COL5A3: variants seen among roughly 807,000 people sequenced by gnomAD.
COL5A3 encodes collagen type V alpha 3 chain, also known as collagen alpha-3(V) chain.
A neutral mutation model predicts 250.0 loss-of-function variants in COL5A3; 172 were observed. The observed-to-expected ratio is 0.69, with a 90% CI of 0.61 to 0.78. The LOEUF (loss-of-function observed/expected upper bound fraction) is 0.78, where lower values mean the gene tolerates loss of function less well. Ranked by LOEUF, COL5A3 falls within the 30% of genes least tolerant of loss-of-function variation. COL5A3 has a pLI of 0.00. For missense variants in COL5A3, 2,340 were observed against 2,334.4 expected (o/e 1.00, Z -0.05); for synonymous variants, 937 against 900.4 (o/e 1.04, Z -0.73).
chr19:9,976,651 TTAAGATTA>T, intron 44 of COL5A3, 40 bp from the exon 45 acceptor site: 1 of 1,524,298 alleles, frequency 6.6e-7, no homozygotes, highest in Non-Finnish European at 8.9e-7. Flanking sequence ...TCCCTCAGGT[TTAAGATTA>T]GAGAGGGCAC....
chr19:10,002,753 T>C (rs756097494), intron 6 of COL5A3, among the ~76,000 whole-genome samples: 2 of 151,822 alleles, frequency 1.3e-5, no homozygotes, highest in African/African-American at 2.4e-5. Flanking sequence ...AACAAAAGCG[T>C]CCTAACCAAT....
At chr19:9,978,847 T>C (rs1331322381) in intron 40 of COL5A3, 44 bp downstream of exon 40, 2 of 1,328,612 alleles carry the variant, frequency 1.5e-6, no homozygotes, top group African/African-American at 3.0e-5. Flanking sequence ...CCCCATCCTT[T>C]CCTTCTCTAA....
chr19:9,998,149 C>G lies in COL5A3; in HGVS notation c.1111G>C (p.Gly371Arg). 1 of 1,613,198 alleles carries G rather than the reference C, an allele frequency of 6.2e-7. No individual in the cohort carries two copies. The highest frequency in any genetic ancestry group is 8.5e-7 in the Non-Finnish European group (1 of 1,179,628). The change falls in exon 9 of 67, where the codon GGT becomes CGT. Residue 371 changes from glycine (G) to arginine (R), a missense_variant and splice_region_variant. By Grantham distance (125) the Gly-to-Arg change is moderately radical. Around this residue, in one of 3 missense-constraint regions of COL5A3, gnomAD observed 1,152 missense variants for 1,146.3 expected, o/e 1.00. Coordinates refer to ENST00000264828, the MANE Select transcript of COL5A3 (RefSeq NM_015719.4). Reference protein sequence around the residue: ...PSRTQFQIFPGAGEKGAKGEP... With the variant: ...PSRTQFQIFPRAGEKGAKGEP... ...CCTTTTGCTCCTTTCTCTCCAGCAC[C>G]CTGGGGTGGGGTCAGGGGAGATGGA... is the stretch of plus-strand genomic sequence containing the variant.
intron 1 of COL5A3, among the ~76,000 whole-genome samples, chr19:10,007,698 C>T (rs2087463156): frequency 6.6e-6 from 1 of 152,068 alleles, no homozygotes; most frequent in Non-Finnish European, 1.5e-5. Flanking sequence ...GGAGCTGGGG[C>T]GGGGGGGCTA....
intron 47 of COL5A3, 63 bp downstream of exon 47, chr19:9,974,108 T>C (rs1458597768): frequency 6.4e-7 from 1 of 1,564,176 alleles, no homozygotes; most frequent in Non-Finnish European, 8.7e-7. Context: ...ATGAATCTAA[T>C]GCCTGCCGCC....
intron 64 of COL5A3, among the ~76,000 whole-genome samples, chr19:9,964,129 C>T (rs377553058): frequency 1.3e-5 from 2 of 152,114 alleles, no homozygotes; most frequent in Non-Finnish European, 2.9e-5. Flanking sequence ...ACCAAGATCA[C>T]GCCACTGCAC....
At position 9,990,061 on chromosome 19, in the gene COL5A3, GACACA is replaced by G. The variant is rs2087163773; in HGVS notation, c.1993-544_1993-540del. 1.7e-4 allele frequency among the ~76,000 whole-genome samples: 9 copies of G among 53,314 alleles called. 1 individual carries two copies. The highest frequency in any genetic ancestry group is 8.3e-4 in the Admixed American group (5 of 5,990). The allele number at this position is 53,314 out of a possible 152,430, so 35.0% of individuals were successfully genotyped here. A position where few individuals can be genotyped will look rare whatever the true frequency, so the allele number is the denominator to read the frequency against. On this transcript the variant is annotated intron_variant, in intron 24 of 66. Transcript: ENST00000264828. ...GCCACTGTGCCCGCCTTCCCTGGCA[GACACA>G]CTTCTGTGTGATAATTTACTTGTAC...
In COL5A3 at chr19:9,980,833, C is replaced by A. The variant is rs749235196; in HGVS notation, c.2532G>T (p.Pro844=). The A allele has an allele frequency of 1.9e-6, 3 of 1,611,720 alleles. No homozygotes were observed. In the South Asian group the frequency reaches 3.3e-5, roughly 18 times the overall value. Residue 844 remains proline, a synonymous_variant, in exon 34 of 67, where the codon CCG becomes CCT. Coordinates refer to ENST00000264828, the MANE Select transcript of COL5A3 (RefSeq NM_015719.4). The part of the protein sequence containing the change: ...PPGSRGERGQ[P]GATGQPGPKG... The stretch of plus-strand genomic sequence containing the variant: ...TGGGGCCTGGTTGCCCTGTGGCACC[C>A]GGTTGCCCCCTCTCTCCACGGGAAC...
chr19:9,976,604 G>T lies in COL5A3; in HGVS notation c.3296C>A (p.Pro1099His). Residue 1099 changes from proline (P) to histidine (H), a missense_variant, in exon 45 of 67, where the codon CCT (proline) becomes CAT (histidine). Pro to His is a moderately conservative substitution (Grantham distance 77, BLOSUM62 -2). This residue lies in a region of COL5A3 where 1,179 missense variants were observed against 1,162.6 expected (regional missense o/e 1.01). Coordinates refer to ENST00000264828, the MANE Select transcript of COL5A3 (RefSeq NM_015719.4). ...SKGDKGDAGP[P>H]GQPGIRGPAG... is the part of the protein sequence containing the mutation. ...AGGACCCCGTATCCCTGGTTGTCCA[G>T]GTGGGCCCTGGGAGAACAGGAAACA... 1 of 1,576,366 alleles carries T rather than the reference G, an allele frequency of 6.3e-7. No homozygotes were observed. Among genetic ancestry groups the T allele is most frequent in the South Asian group, 1.2e-5 (1 of 83,894 alleles).
rs1456821505 is a variant in COL5A3, at chr19:9,972,902, T to A, written c.3774+17A>T. 3.9e-6 allele frequency: 6 copies of A among 1,550,436 alleles called. No individual in the cohort carries two copies. The highest frequency in any genetic ancestry group is 1.9e-4 in the Middle Eastern group (1 of 5,142). On this transcript the variant is annotated intron_variant, in intron 51 of 66. Coordinates refer to ENST00000264828, the MANE Select transcript of COL5A3 (RefSeq NM_015719.4). The stretch of plus-strand genomic sequence containing the variant: ...TGCCCCCTCCCATGTCTGCCCCCAC[T>A]TCCCCCCAGGACTCACCACGCTCCC...
rs1480244161 is a variant in COL5A3, at chr19:10,005,828, G to A, written c.405C>T (p.Pro135=). The change falls in exon 3 of 67, where the codon CCC becomes CCT. Residue 135 remains proline, a synonymous_variant. Transcript: ENST00000264828. ...ALGLLGDPFR[P]LPQQVNLTDG... ...CTGTGAGGTTGACCTGCTGGGGGAG[G>A]GGGCGGAAGGGGTCACCTAGGAGAC... 1.9e-6 allele frequency: 3 copies of A among 1,612,756 alleles called. No homozygotes were observed. Among genetic ancestry groups the A allele is most frequent in the Non-Finnish European group, 2.5e-6 (3 of 1,179,504 alleles).
chr19:9,996,260 G>A lies in COL5A3; in HGVS notation c.1425C>T (p.Leu475=). ...CTGGACCAGGGGGGCCTTTCATAGA[G>A]AGCTGGAAAGACAGAGGAGTCAGAG... ...QAQAVLQQTQ[L]SMKGPPGPVG... The change falls in exon 14 of 67, where the codon CTC becomes CTT. Residue 475 remains leucine (L), a splice_region_variant and synonymous_variant. Coordinates refer to ENST00000264828, the MANE Select transcript of COL5A3 (RefSeq NM_015719.4). 6.4e-7 allele frequency: 1 copy of A among 1,568,210 alleles called. No individual in the cohort carries two copies. Among genetic ancestry groups the A allele is most frequent in the Non-Finnish European group, 8.6e-7 (1 of 1,159,806 alleles).
intron 19 of COL5A3, 89 bp downstream of exon 19, chr19:9,993,291 A>T: frequency 6.9e-7 from 1 of 1,448,664 alleles, no homozygotes; most frequent in Non-Finnish European, 9.7e-7. Context: ...CAAGCTGGCC[A>T]CTGAGACCTC....
chr19:9,997,067 C>A, intron 11 of COL5A3: 2 of 541,456 alleles, frequency 3.7e-6, no homozygotes, highest in East Asian at 3.3e-5. Flanking sequence ...GGGAGAGGGA[C>A]AGAGACCAAC....
At chr19:9,992,585 T>C (rs1480096107) in intron 21 of COL5A3, among the ~76,000 whole-genome samples, 1 of 151,918 alleles carries the variant, frequency 6.6e-6, no homozygotes, top group Non-Finnish European at 1.5e-5. Context: ...GAGACCAACC[T>C]AACTAACATG....
chr19:9,965,548 A>T (rs2086731858), intron 64 of COL5A3, among the ~76,000 whole-genome samples: 1 of 146,064 alleles, frequency 6.8e-6, no homozygotes, highest in Non-Finnish European at 1.5e-5. Context: ...CCGTCTCCCA[A>T]GTTCAAGTGA....
rs1171483437 is a variant in COL5A3, at chr19:9,968,599, C to A, written c.4206+76G>T. The A allele has an allele frequency of 6.3e-6, 10 of 1,585,082 alleles. No individual in the cohort carries two copies. Among genetic ancestry groups the A allele is most frequent in the Non-Finnish European group, 7.8e-6 (9 of 1,157,016 alleles). ...GTTTGGGAGCAGAGGATGCACCAAT[C>A]TCCCAGCCCCCCAGCCAGGGAGGGA... On this transcript the variant is annotated intron_variant, in intron 58 of 66. Transcript: ENST00000264828. The surrounding 1 kb of genome is among the most constrained non-coding windows in gnomAD (Gnocchi z 4.1).
intron 36 of COL5A3, 44 bp downstream of exon 36, chr19:9,979,950 C>T: frequency 1.3e-6 from 2 of 1,576,398 alleles, no homozygotes; most frequent in Admixed American, 2.1e-5. Context: ...TCCCTTCCCA[C>T]ATCCTCCACC....
chr19:9,992,104 C>G (rs1045026740), intron 21 of COL5A3, 56 bp from the exon 22 acceptor site: 1 of 1,491,784 alleles, frequency 6.7e-7, no homozygotes, highest in Non-Finnish European at 9.3e-7. Flanking sequence ...GAGCCTGAGT[C>G]TGAGACACCG....
Sources: gnomAD v4.1 joint callset for allele counts (sites outside exome capture counted in the v4.1 genomes callset) on GRCh38, gnomAD v4.1.1 for gene constraint, gnomAD v4.1.1 regional missense constraint, Gnocchi (gnomAD v3.1) non-coding constraint, MANE v1.5 for transcripts, NCBI Gene and HGNC (gene_info 2026-07-23, HGNC 2026-07-21) for gene names.